Variants in RASSF8 observed in about 807,000 individuals in gnomAD.
RASSF8 encodes Ras association domain family member 8.
A neutral mutation model predicts 48.5 loss-of-function variants in RASSF8; 22 were observed. The observed-to-expected ratio is 0.45, with a 90% CI of 0.32 to 0.65. The LOEUF (loss-of-function observed/expected upper bound fraction) is 0.65, where lower values mean the gene tolerates loss of function less well. Ranked by LOEUF, RASSF8 falls within the 30% of genes least tolerant of loss-of-function variation. The pLI is 0.03. For synonymous variants in RASSF8, 127 were observed against 171.5 expected, an observed-to-expected ratio of 0.74 and a Z score of 2.03; for missense variants, 418 against 489.2, an observed-to-expected ratio of 0.85 and a Z score of 1.37.
intron 2 of RASSF8, among the ~76,000 whole-genome samples, chr12:26,043,764 A>G (rs145616434): frequency 1.3e-5 from 2 of 152,318 alleles, no homozygotes; most frequent in African/African-American, 4.8e-5. Flanking sequence ...GACGATTGCT[A>G]TGCACGGCAA....
Position 25,988,179 on chromosome 12 carries a change from T to A in RASSF8, c.-202-6858T>A, listed in dbSNP as rs994847215. ...CCTGGTCGAAATTAATGTTATTTTT[T>A]AAAAAATGAATTCCTTCCTAGCATT... On this transcript the variant is annotated intron_variant, in intron 1 of 5. Transcript: ENST00000689635. Among the ~76,000 whole-genome samples, 4 of 152,218 alleles carry A rather than the reference T, an allele frequency of 2.6e-5. No individual in the cohort carries two copies. The East Asian group carries it at 5.8e-4, about 22-fold the overall frequency.
intron 1 of RASSF8, among the ~76,000 whole-genome samples, chr12:25,981,103 T>C (rs1256136598): frequency 6.6e-6 from 1 of 152,128 alleles, no homozygotes; most frequent in African/African-American, 2.4e-5. Flanking sequence ...ACTCCTGTTG[T>C]TCTGGCATAA....
At position 25,959,008 on chromosome 12, in the gene RASSF8, CG is replaced by C. The variant is rs1941155175; in HGVS notation, c.-339del. ...TCCAGCCGGTGCGGGGCGCGCGGCG[CG>C]GGGAGCGCCGGGGAGTGCCGGGGAG... On this transcript the variant is annotated 5_prime_UTR_variant, in exon 1 of 6. Transcript: ENST00000689635. 1 of 142,912 alleles carries C rather than the reference CG, an allele frequency of 7.0e-6. No homozygotes were observed. The allele number at this position is 142,912 out of a possible 1,614,324, so 8.9% of individuals were successfully genotyped here. A position where few individuals can be genotyped will look rare whatever the true frequency, so the allele number is the denominator to read the frequency against.
chr12:26,046,278 G>GAT lies in RASSF8; in HGVS notation c.-108-8957_-108-8956dup, dbSNP rs1327208675. On this transcript the variant is annotated intron_variant, in intron 2 of 5. Transcript: ENST00000689635. Reference sequence around the variant, plus strand: ...CTTTCTCTCCTAAGCCAGAATTAGTGATTACAAATGTCCTTGCAAACTTTG... The same window carrying GAT: ...CTTTCTCTCCTAAGCCAGAATTAGTGATATTACAAATGTCCTTGCAAACTTTG... 1.4e-4 allele frequency among the ~76,000 whole-genome samples: 22 copies of GAT among 152,310 alleles called. No homozygotes were observed. In the East Asian group the frequency reaches 4.2e-3, roughly 29 times the overall value.
intron 2 of RASSF8, among the ~76,000 whole-genome samples, chr12:26,043,539 A>G (rs1292602558): frequency 6.6e-6 from 1 of 152,210 alleles, no homozygotes; most frequent in Non-Finnish European, 1.5e-5. Flanking sequence ...TGCAAAGTGG[A>G]TGTGCAAGGA....
intron 2 of RASSF8, among the ~76,000 whole-genome samples, chr12:26,039,023 G>A (rs774404240): frequency 3.3e-5 from 5 of 152,036 alleles, no homozygotes; most frequent in Admixed American, 1.3e-4. Flanking sequence ...TTGTTTCACA[G>A]TGTGAAGCAT....
intron 2 of RASSF8, among the ~76,000 whole-genome samples, chr12:26,050,183 A>G (rs1943461977): frequency 1.3e-5 from 2 of 152,258 alleles, no homozygotes. Context: ...ATTTTAAAAT[A>G]TGAATTACAA....
intron 2 of RASSF8, among the ~76,000 whole-genome samples, chr12:26,011,459 T>C (rs1942523077): frequency 6.6e-6 from 1 of 152,156 alleles, no homozygotes; most frequent in Admixed American, 6.5e-5. Context: ...CCTCCCTGCC[T>C]GCAGTCCCAA....
At chr12:26,028,678 T>G (rs2137097742) in intron 2 of RASSF8, among the ~76,000 whole-genome samples, 1 of 152,332 alleles carries the variant, frequency 6.6e-6, no homozygotes, top group East Asian at 1.9e-4. Context: ...GGTTGTCAGC[T>G]CCTTCTTGTA....
At chr12:26,025,923 T>A (rs1942903018) in intron 2 of RASSF8, among the ~76,000 whole-genome samples, 1 of 152,074 alleles carries the variant, frequency 6.6e-6, no homozygotes, top group Admixed American at 6.5e-5. Context: ...TGTTCATGGA[T>A]CTGTTGGATA....
At chr12:26,004,967 A>C (rs1470662143) in intron 2 of RASSF8, among the ~76,000 whole-genome samples, 2 of 152,174 alleles carry the variant, frequency 1.3e-5, no homozygotes, top group African/African-American at 4.8e-5. Context: ...CAGTCTGGGC[A>C]ACAAAGGGAG....
intron 2 of RASSF8, among the ~76,000 whole-genome samples, chr12:26,044,569 A>G (rs1415938693): frequency 1.3e-5 from 2 of 151,962 alleles, no homozygotes; most frequent in African/African-American, 2.4e-5. Flanking sequence ...GCTGATGACT[A>G]TGTCACATTC....
In RASSF8 at chr12:26,068,821, T is replaced by G; in HGVS notation, c.*3T>G. ...ATCCTGAAGGCATATATGTATGACA[T>G]TATCTGTCTTTAGGGAGGAGACCCA... is the stretch of plus-strand genomic sequence containing the variant. On this transcript the variant is annotated 3_prime_UTR_variant, in exon 6 of 6. Transcript: ENST00000689635. 2 of 1,536,740 alleles carry G rather than the reference T, an allele frequency of 1.3e-6. No homozygotes were observed. The highest frequency in any genetic ancestry group is 1.7e-6 in the Non-Finnish European group (2 of 1,146,542).
intron 2 of RASSF8, among the ~76,000 whole-genome samples, chr12:26,009,334 G>A (rs2137014702): frequency 6.6e-6 from 1 of 152,214 alleles, no homozygotes; most frequent in East Asian, 1.9e-4. Flanking sequence ...TTTCTAAGTA[G>A]TGTTTCTAGG....
At chr12:26,063,835 A>G (rs1460653116) in intron 3 of RASSF8, among the ~76,000 whole-genome samples, 1 of 151,716 alleles carries the variant, frequency 6.6e-6, no homozygotes, top group African/African-American at 2.4e-5. Flanking sequence ...ATTTGTTTTG[A>G]AGAGTTTTTT....
At chr12:25,967,732 C>G (rs748005631) in intron 1 of RASSF8, among the ~76,000 whole-genome samples, 41 of 152,298 alleles carry the variant, frequency 2.7e-4, no homozygotes, top group Non-Finnish European at 3.4e-4. Flanking sequence ...AGTGCCTTCC[C>G]CTTACCCAAC....
chr12:25,964,811 C>T (rs1231993368), intron 1 of RASSF8, among the ~76,000 whole-genome samples: 3 of 152,096 alleles, frequency 2.0e-5, no homozygotes, highest in Non-Finnish European at 4.4e-5. Context: ...AAAATTTGTT[C>T]ATTTCTATGG....
intron 1 of RASSF8, chr12:25,973,907 G>C (rs2136874191): frequency 6.6e-6 from 1 of 152,300 alleles, no homozygotes; most frequent in Non-Finnish European, 1.5e-5. Flanking sequence ...CCAGTTTATA[G>C]TATTTTGTTA....
At chr12:26,031,095 A>G (rs1303795137) in intron 2 of RASSF8, among the ~76,000 whole-genome samples, 1 of 152,172 alleles carries the variant, frequency 6.6e-6, no homozygotes, top group Admixed American at 6.5e-5. Context: ...GACTCTTTAC[A>G]GTTACGTAAT....
Sources: gnomAD v4.1 joint callset for allele counts (sites outside exome capture counted in the v4.1 genomes callset) on GRCh38, gnomAD v4.1.1 for gene constraint, MANE v1.5 for transcripts, NCBI Gene and HGNC (gene_info 2026-07-23, HGNC 2026-07-21) for gene names.